Variants in CDK14 observed in about 807,000 individuals in gnomAD.
CDK14 encodes cyclin-dependent kinase 14.
CDK14 carries 34 observed loss-of-function variants against 60.7 expected under a neutral mutation model. The ratio of observed to expected loss-of-function variants is 0.56; its 90% CI spans 0.43 to 0.75. The LOEUF (loss-of-function observed/expected upper bound fraction) is 0.75, where lower values mean the gene tolerates loss of function less well. Among genes scored for constraint, CDK14 ranks in the 30% least tolerant of loss-of-function variants. CDK14 has a pLI of 0.00. For synonymous variants in CDK14, 197 were observed against 203.7 expected, an observed-to-expected ratio of 0.97 and a Z score of 0.28; for missense variants, 482 against 564.1, an observed-to-expected ratio of 0.85 and a Z score of 1.47.
intron 4 of CDK14, among the ~76,000 whole-genome samples, chr7:90,784,553 A>T (rs1015600082): frequency 8.5e-5 from 13 of 152,226 alleles, no homozygotes; most frequent in Non-Finnish European, 1.6e-4. Flanking sequence ...TTATGTATCC[A>T]TAAGTTTTTT....
chr7:90,865,000 G>T (rs1791130607), intron 6 of CDK14, among the ~76,000 whole-genome samples: 1 of 151,916 alleles, frequency 6.6e-6, no homozygotes, highest in South Asian at 2.1e-4. Context: ...GGCCAACTTG[G>T]GTCATTTTTG....
chr7:91,082,221 T>G (rs956136283), intron 12 of CDK14, among the ~76,000 whole-genome samples: 1 of 152,214 alleles, frequency 6.6e-6, no homozygotes, highest in African/African-American at 2.4e-5. Flanking sequence ...TCCAGCAAAG[T>G]TAAGGGGAAG....
At position 90,610,223 on chromosome 7, in the gene CDK14, CTTTGTACTTCA is replaced by C. The variant is rs546121626; in HGVS notation, c.123+5981_123+5991del. Among the ~76,000 whole-genome samples, 41 of 152,270 alleles carry C rather than the reference CTTTGTACTTCA, an allele frequency of 2.7e-4. 1 individual carries two copies. The East Asian group carries it at 7.9e-3, about 29-fold the overall frequency. On this transcript the variant is annotated intron_variant, in intron 2 of 14. Transcript: ENST00000380050. ...GCTGGTATCCTCAATGGCCTTACCC[CTTTGTACTTCA>C]TTTGTAATGTACGCTGCCAGCCCTT...
intron 8 of CDK14, among the ~76,000 whole-genome samples, chr7:90,918,762 A>G (rs1012950737): frequency 1.3e-5 from 2 of 152,252 alleles, no homozygotes; most frequent in Non-Finnish European, 2.9e-5. Context: ...CCCATTAAAT[A>G]AAAGAAGGCA....
chr7:90,947,340 G>T (rs1271298421), intron 8 of CDK14, among the ~76,000 whole-genome samples: 3 of 152,112 alleles, frequency 2.0e-5, no homozygotes, highest in Non-Finnish European at 4.4e-5. Flanking sequence ...CCCCACACTT[G>T]CCAGGCAACC....
At chr7:90,964,916 T>C (rs950138347) in intron 9 of CDK14, among the ~76,000 whole-genome samples, 1 of 152,236 alleles carries the variant, frequency 6.6e-6, no homozygotes, top group African/African-American at 2.4e-5. Flanking sequence ...AATAACTGTC[T>C]GTGATTCTTA....
At chr7:90,861,363 G>A (rs959958522) in intron 5 of CDK14, among the ~76,000 whole-genome samples, 51 of 152,254 alleles carry the variant, frequency 3.3e-4, no homozygotes, top group African/African-American at 1.2e-3. Context: ...ACCTTCAAGA[G>A]CATTAAGAGA....
chr7:91,030,395 T>C (rs1255583225), intron 10 of CDK14, among the ~76,000 whole-genome samples: 2 of 152,116 alleles, frequency 1.3e-5, no homozygotes, highest in Non-Finnish European at 2.9e-5. Context: ...ATATTCCCAA[T>C]ATAGGACCAG....
At chr7:90,651,779 G>T (rs945368487) in intron 2 of CDK14, among the ~76,000 whole-genome samples, 5 of 151,484 alleles carry the variant, frequency 3.3e-5, no homozygotes, top group African/African-American at 1.2e-4. Context: ...CGTAGCCATT[G>T]ACTTCATGGA....
At chr7:91,189,905 A>G (rs753919134) in intron 14 of CDK14, among the ~76,000 whole-genome samples, 25 of 152,146 alleles carry the variant, frequency 1.6e-4, no homozygotes, top group Non-Finnish European at 2.8e-4. Flanking sequence ...TTTCAACTTC[A>G]CCCTTTAATA....
intron 3 of CDK14, among the ~76,000 whole-genome samples, chr7:90,745,617 T>G (rs568471984): frequency 6.6e-6 from 1 of 152,306 alleles, no homozygotes; most frequent in South Asian, 2.1e-4. Context: ...GGTTTCACCA[T>G]GTTGGCCAGG....
chr7:90,735,126 T>C (rs1446906046), intron 3 of CDK14, among the ~76,000 whole-genome samples: 2 of 152,188 alleles, frequency 1.3e-5, no homozygotes, highest in African/African-American at 4.8e-5. Context: ...TTTGCCTGGG[T>C]ATCACGAGCA....
At chr7:90,964,354 A>G (rs750333962) in intron 9 of CDK14, among the ~76,000 whole-genome samples, 1 of 152,198 alleles carries the variant, frequency 6.6e-6, no homozygotes, top group Non-Finnish European at 1.5e-5. Context: ...AGTCATTGTT[A>G]TAGTAGAAAA....
At chr7:91,185,001 G>A (rs2115902243) in intron 14 of CDK14, among the ~76,000 whole-genome samples, 1 of 151,428 alleles carries the variant, frequency 6.6e-6, no homozygotes, top group South Asian at 2.1e-4. Flanking sequence ...TTTGCATAAA[G>A]GCGTGCATAC....
chr7:90,926,354 AC>A (rs1166164701), intron 8 of CDK14, among the ~76,000 whole-genome samples: 11 of 152,310 alleles, frequency 7.2e-5, no homozygotes, highest in Admixed American at 2.6e-4. Flanking sequence ...AATGCTTCTC[AC>A]AGTAGACTAG....
intron 5 of CDK14, among the ~76,000 whole-genome samples, chr7:90,857,915 T>A (rs1393211515): frequency 6.6e-6 from 1 of 152,172 alleles, no homozygotes; most frequent in African/African-American, 2.4e-5. Flanking sequence ...CTGTTTTCTG[T>A]CCATTAATGC....
chr7:91,165,014 A>G (rs570061372), intron 14 of CDK14, among the ~76,000 whole-genome samples: 41 of 152,302 alleles, frequency 2.7e-4, no homozygotes, highest in Admixed American at 8.5e-4. Context: ...AGAAACAGTT[A>G]TTTGATCCCT....
intron 10 of CDK14, among the ~76,000 whole-genome samples, chr7:91,002,272 A>C (rs1049179688): frequency 6.6e-6 from 1 of 152,216 alleles, no homozygotes; most frequent in Non-Finnish European, 1.5e-5. Context: ...CACTAGATCA[A>C]ATGATGTTTA....
intron 10 of CDK14, among the ~76,000 whole-genome samples, chr7:91,026,025 CT>C (rs5885753): frequency 6.8e-4 from 99 of 146,466 alleles, no homozygotes; most frequent in Middle Eastern, 3.6e-3. Flanking sequence ...ACTAAGTTAC[CT>C]TTTTTTTTTT....
Sources: allele counts gnomAD v4.1 joint callset (sites outside exome capture counted in the v4.1 genomes callset), GRCh38; gene constraint gnomAD v4.1.1; transcripts MANE v1.5; gene names NCBI Gene and HGNC (gene_info 2026-07-23, HGNC 2026-07-21).